ARL15: variants seen among roughly 807,000 people sequenced by gnomAD.
ARL15 encodes ADP-ribosylation factor-like protein 15.
A neutral mutation model predicts 25.2 loss-of-function variants in ARL15; 19 were observed. The ratio of observed to expected loss-of-function variants is 0.75; its 90% CI spans 0.53 to 1.10. ARL15 has a LOEUF of 1.10. Among genes scored for constraint, ARL15 ranks in the 50% least tolerant of loss-of-function variants. The pLI is 0.00. For missense variants in ARL15, 220 were observed against 246.0 expected (o/e 0.89, Z 0.71); for synonymous variants, 94 against 86.8 (o/e 1.08, Z -0.46).
chr5:54,164,105 A>G (rs1179099246), intron 2 of ARL15, among the ~76,000 whole-genome samples: 2 of 152,004 alleles, frequency 1.3e-5, no homozygotes, highest in Admixed American at 1.3e-4. Context: ...ATCCTTTATA[A>G]TTTCTCTTTT....
At chr5:53,979,270 C>T (rs574134712) in intron 4 of ARL15, among the ~76,000 whole-genome samples, 7 of 152,202 alleles carry the variant, frequency 4.6e-5, no homozygotes, top group African/African-American at 1.7e-4. Flanking sequence ...TGGTGGCTCA[C>T]GCCTATAATC....
intron 4 of ARL15, among the ~76,000 whole-genome samples, chr5:54,078,245 C>T (rs754336999): frequency 3.3e-5 from 5 of 152,034 alleles, no homozygotes; most frequent in African/African-American, 1.2e-4. Context: ...AACTGAAAAC[C>T]CTCAGAATAG....
At chr5:54,186,060 C>T in intron 1 of ARL15, among the ~76,000 whole-genome samples, 1 of 151,710 alleles carries the variant, frequency 6.6e-6, no homozygotes, top group South Asian at 2.1e-4. Context: ...TGAAGAAAAC[C>T]CCTAAAAACA....
intron 4 of ARL15, among the ~76,000 whole-genome samples, chr5:54,052,114 C>A (rs888817717): frequency 3.9e-5 from 6 of 151,982 alleles, no homozygotes; most frequent in African/African-American, 1.5e-4. Flanking sequence ...TCTGTGGATG[C>A]CATGGGTTCA....
At position 54,292,964 on chromosome 5, in the gene ARL15, A is replaced by G. The variant is rs540389710; in HGVS notation, c.48+17468T>C. Among the ~76,000 whole-genome samples the G allele has an allele frequency of 3.3e-5, 5 of 152,350 alleles. No homozygotes were observed. The East Asian group carries it at 9.6e-4, about 29-fold the overall frequency. ...GGATATTCAAGAAATACTTTTAAGT[A>G]GAAATTGAATTTTAATTAGAGACTG... On this transcript the variant is annotated intron_variant, in intron 1 of 4. Transcript: ENST00000504924.
At chr5:54,131,741 T>G (rs547383699) in intron 3 of ARL15, among the ~76,000 whole-genome samples, 3 of 152,290 alleles carry the variant, frequency 2.0e-5, no homozygotes, top group African/African-American at 7.2e-5. Flanking sequence ...TTAGTGTGGC[T>G]ACACTATCAC....
At chr5:54,184,992 G>A (rs1332370946) in intron 1 of ARL15, among the ~76,000 whole-genome samples, 5 of 152,154 alleles carry the variant, frequency 3.3e-5, no homozygotes, top group African/African-American at 1.2e-4. Context: ...TCAGGATAAA[G>A]TACAGACTCC....
chr5:54,075,614 G>A (rs1751573303), intron 4 of ARL15: 1 of 152,164 alleles, frequency 6.6e-6, no homozygotes, highest in Admixed American at 6.6e-5. Flanking sequence ...AGCCTTCTGA[G>A]TAGCTGGGAC....
At chr5:54,221,772 A>C (rs1756378210) in intron 1 of ARL15, among the ~76,000 whole-genome samples, 1 of 151,980 alleles carries the variant, frequency 6.6e-6, no homozygotes, top group African/African-American at 2.4e-5. Flanking sequence ...CAGGACCAAA[A>C]AAAAGTCATG....
At chr5:54,190,372 G>A (rs1246362801) in intron 1 of ARL15, among the ~76,000 whole-genome samples, 6 of 150,362 alleles carry the variant, frequency 4.0e-5, no homozygotes, top group Non-Finnish European at 5.9e-5. Context: ...CAGCCTAGGT[G>A]ATAGAATGAG....
intron 1 of ARL15, among the ~76,000 whole-genome samples, chr5:54,221,863 ACACACAC>A (rs1756386055): frequency 6.7e-6 from 1 of 149,090 alleles, no homozygotes; most frequent in Non-Finnish European, 1.5e-5. Context: ...ACACACACAC[ACACACAC>A]AAAACCCTCA....
At chr5:53,951,154 T>C (rs987781865) in intron 4 of ARL15, among the ~76,000 whole-genome samples, 3 of 152,240 alleles carry the variant, frequency 2.0e-5, no homozygotes, top group South Asian at 2.1e-4. Context: ...GATTCATTTG[T>C]TTATATATTG....
intron 4 of ARL15, among the ~76,000 whole-genome samples, chr5:53,964,669 G>A (rs1038847850): frequency 2.6e-5 from 4 of 152,100 alleles, no homozygotes; most frequent in Admixed American, 6.6e-5. Context: ...CTCTATACTG[G>A]TTTTAAACAC....
chr5:53,947,597 A>G (rs781254795), intron 4 of ARL15, among the ~76,000 whole-genome samples: 1 of 152,204 alleles, frequency 6.6e-6, no homozygotes, highest in African/African-American at 2.4e-5. Flanking sequence ...CTGGGATTGT[A>G]GGATCCCAGC....
chr5:53,964,575 T>C (rs945035134), intron 4 of ARL15, among the ~76,000 whole-genome samples: 24 of 152,274 alleles, frequency 1.6e-4, no homozygotes, highest in African/African-American at 5.3e-4. Flanking sequence ...TTAGCCAGGA[T>C]GGTCTTGATC....
intron 4 of ARL15, among the ~76,000 whole-genome samples, chr5:53,999,960 G>A (rs1345289903): frequency 6.6e-6 from 1 of 152,066 alleles, no homozygotes; most frequent in African/African-American, 2.4e-5. Flanking sequence ...AAGCAGAGAA[G>A]GGTGGGGTAT....
chr5:54,271,138 C>T (rs1050553817), intron 1 of ARL15, among the ~76,000 whole-genome samples: 3 of 152,160 alleles, frequency 2.0e-5, no homozygotes, highest in Non-Finnish European at 4.4e-5. Flanking sequence ...GGTTCTGAGG[C>T]CTTGGGGACT....
Position 54,112,324 on chromosome 5 carries a change from AG to A in ARL15, c.462+877del, listed in dbSNP as rs1752766039. ...GTGGGTCACACACTAAGTGTGAGGG[AG>A]GTCTGGAGTTAGAACATGTTATGTC... On this transcript the variant is annotated intron_variant, in intron 4 of 4. Transcript: ENST00000504924. 2.6e-5 allele frequency among the ~76,000 whole-genome samples: 4 copies of A among 152,266 alleles called. No homozygotes were observed. In the South Asian group the frequency reaches 8.3e-4, roughly 32 times the overall value.
intron 3 of ARL15, among the ~76,000 whole-genome samples, chr5:54,121,153 CT>C (rs1753062446): frequency 6.6e-6 from 1 of 152,156 alleles, no homozygotes. Context: ...GTTTTTTCGT[CT>C]GTGACTAATC....
Sources: gnomAD v4.1 joint callset for allele counts (sites outside exome capture counted in the v4.1 genomes callset) on GRCh38, gnomAD v4.1.1 for gene constraint, MANE v1.5 for transcripts, NCBI Gene and HGNC (gene_info 2026-07-23, HGNC 2026-07-21) for gene names.